Variants in PHLDB1 observed in about 807,000 individuals in gnomAD.
PHLDB1 encodes the protein pleckstrin homology like domain family B member 1.
A neutral mutation model predicts 139.3 loss-of-function variants in PHLDB1; 65 were observed. That is an observed-to-expected ratio of 0.47 (90% CI 0.38 to 0.57). The LOEUF is 0.57. Ranked by LOEUF, PHLDB1 falls within the 20% of genes least tolerant of loss-of-function variation. The pLI is 0.00. For synonymous variants in PHLDB1, 679 were observed against 734.5 expected (o/e 0.92, Z 1.22); for missense variants, 1,624 against 1,839.7 (o/e 0.88, Z 2.14).
intron 15 of PHLDB1, chr11:118,644,456 C>A: frequency 2.0e-6 from 1 of 488,778 alleles, no homozygotes; most frequent in Non-Finnish European, 3.7e-6. Context: ...TAGACATTGC[C>A]CTCTCTGGAG....
chr11:118,632,361 T>C lies in PHLDB1; in HGVS notation c.2379+65T>C. On this transcript the variant is annotated intron_variant, in intron 9 of 22. Transcript: ENST00000600882. This position sits in a 1 kb window ranked among gnomAD's most constrained non-coding sequence, Gnocchi z 5.9. ...GGCCTGGGAGAGAAGGAGAAATGTC[T>C]TCTCTGGGGCCCTGTACCCTTCACC... is the stretch of plus-strand genomic sequence containing the variant. 6.5e-7 allele frequency: 1 copy of C among 1,530,302 alleles called. No homozygotes were observed. Among genetic ancestry groups the C allele is most frequent in the Non-Finnish European group, 9.0e-7 (1 of 1,108,336 alleles). The allele number at this position is 1,530,302 out of a possible 1,614,324, so 94.8% of individuals were successfully genotyped here. A position where few individuals can be genotyped will look rare whatever the true frequency, so the allele number is the denominator to read the frequency against.
rs1292677079 is a variant in PHLDB1 at position 118,638,947 on chromosome 11, G to A, written c.2592G>A (p.Gln864=). ...QAGQIRAQAV[Q]ESERLARDKN... Reference sequence around the variant, plus strand: ...GGCAGATCCGGGCTCAGGCCGTGCAGGAATCAGAACGCCTGGCCCGGGACA... The same window carrying A: ...GGCAGATCCGGGCTCAGGCCGTGCAAGAATCAGAACGCCTGGCCCGGGACA... Residue 864 remains glutamine (Q), a synonymous_variant, in exon 11 of 23, where the codon CAG becomes CAA. Coordinates refer to ENST00000600882, the MANE Select transcript of PHLDB1 (RefSeq NM_001144758.3). 4 of 1,613,630 alleles carry A rather than the reference G, an allele frequency of 2.5e-6. No individual in the cohort carries two copies. Among genetic ancestry groups the A allele is most frequent in the Non-Finnish European group, 3.4e-6 (4 of 1,179,816 alleles).
chr11:118,627,569 A>G lies in PHLDB1; in HGVS notation c.746A>G (p.Glu249Gly), dbSNP rs1555103339. The G allele has an allele frequency of 1.5e-5, 24 of 1,614,020 alleles. No individual in the cohort carries two copies. Among genetic ancestry groups the G allele is most frequent in the Non-Finnish European group, 2.0e-5 (24 of 1,179,992 alleles). The change falls in exon 6 of 23, where the codon GAG (glutamate) becomes GGG (glycine). Residue 249 changes from glutamate (E) to glycine (G), a missense_variant. Coordinates refer to ENST00000600882, the MANE Select transcript of PHLDB1 (RefSeq NM_001144758.3). ...PGAMSVGSSY[E>G]NTSPAFSPLS... Reference sequence around the variant, plus strand: ...GCCATGTCTGTGGGCTCCAGCTATGAGAACACCTCTCCAGCCTTCTCTCCA... The same window carrying G: ...GCCATGTCTGTGGGCTCCAGCTATGGGAACACCTCTCCAGCCTTCTCTCCA...
At chr11:118,641,571 A>C in intron 12 of PHLDB1, 1 of 1,205,656 alleles carries the variant, frequency 8.3e-7, no homozygotes. Flanking sequence ...TTCTGGTTCC[A>C]TTAACCTCTT....
At chr11:118,656,542 G>T in intron 22 of PHLDB1, 141 bp from the exon 23 acceptor site, 1 of 695,870 alleles carries the variant, frequency 1.4e-6, no homozygotes, top group South Asian at 1.9e-5. Context: ...GACTGGTAGG[G>T]TCTAGGCTCT....
intron 15 of PHLDB1, 141 bp downstream of exon 15, chr11:118,644,315 G>A (rs1947090787): frequency 3.1e-6 from 2 of 647,186 alleles, no homozygotes; most frequent in South Asian, 3.8e-5. Flanking sequence ...TTTAGAGTGG[G>A]TACCTAAAGA....
At position 118,631,781 on chromosome 11, in the gene PHLDB1, G is replaced by A. The variant is rs571100557; in HGVS notation, c.2101-132G>A. ...CCCTCAAAGGTGGGGGTTGCGGGGG[G>A]GCAGGGAATTAGCCTCCTGTCTCAG... On this transcript the variant is annotated intron_variant, in intron 7 of 22. Coordinates refer to ENST00000600882, the MANE Select transcript of PHLDB1 (RefSeq NM_001144758.3). The A allele has an allele frequency of 1.9e-5, 21 of 1,085,828 alleles. No homozygotes were observed. In the South Asian group the frequency reaches 2.7e-4, roughly 14 times the overall value. 67.3% of individuals were successfully genotyped at this position (1,085,828 alleles called of 1,614,324 possible). A position where few individuals can be genotyped will look rare whatever the true frequency, so the allele number is the denominator to read the frequency against.
chr11:118,635,359 C>T (rs782805527), intron 9 of PHLDB1, 34 bp from the exon 10 acceptor site: 24 of 1,535,610 alleles, frequency 1.6e-5, no homozygotes, highest in Admixed American at 2.1e-5. Flanking sequence ...GCATTGCAAG[C>T]ACCACCCAAC....
At chr11:118,647,865 T>A (rs1420954218) in intron 17 of PHLDB1, 65 bp from the exon 18 acceptor site, 1 of 1,512,430 alleles carries the variant, frequency 6.6e-7, no homozygotes, top group East Asian at 2.5e-5. Flanking sequence ...CCTGCCCAGG[T>A]GTGAAGAGGG....
Position 118,625,047 on chromosome 11 carries a change from A to G in PHLDB1, c.469A>G (p.Ser157Gly), listed in dbSNP as rs1943617842. The change falls in exon 5 of 23, where the codon AGC becomes GGC. Residue 157 changes from serine to glycine, a missense_variant. Ser to Gly is a moderately conservative substitution (Grantham distance 56). Coordinates refer to ENST00000600882, the MANE Select transcript of PHLDB1 (RefSeq NM_001144758.3). ...AGGRAPGPPYSPVPAESESLV... is the reference protein window; with the variant it reads ...AGGRAPGPPYGPVPAESESLV... The stretch of plus-strand genomic sequence containing the variant: ...GGGCCGAGCCCCTGGGCCCCCCTAC[A>G]GCCCTGTTCCTGGTAGGTACCGACG... 1 of 1,608,840 alleles carries G rather than the reference A, an allele frequency of 6.2e-7. No individual in the cohort carries two copies. The highest frequency in any genetic ancestry group is 1.3e-5 in the African/African-American group (1 of 74,730).
At chr11:118,625,100 C>T (rs781908284) in intron 5 of PHLDB1, 41 bp downstream of exon 5, 1 of 1,547,140 alleles carries the variant, frequency 6.5e-7, no homozygotes, top group East Asian at 2.3e-5. Flanking sequence ...TGATGGTGTT[C>T]CTGCAGCAGT....
In PHLDB1 at chr11:118,616,229, C is replaced by A; in HGVS notation, c.355+18C>A. The A allele has an allele frequency of 6.2e-7, 1 of 1,610,402 alleles. No homozygotes were observed. Among genetic ancestry groups the A allele is most frequent in the South Asian group, 1.1e-5 (1 of 90,864 alleles). ...CACTCAGGGTAAGGCTGGACACCTC[C>A]AGATGGAGGGGGCCTCTGTTTAAAG... On this transcript the variant is annotated intron_variant, in intron 4 of 22. Transcript: ENST00000600882.
At position 118,644,053 on chromosome 11, in the gene PHLDB1, A is replaced by T; in HGVS notation, c.3019-19A>T. 1 of 1,612,258 alleles carries T rather than the reference A, an allele frequency of 6.2e-7. No individual in the cohort carries two copies. ...AAGGGCCTTCTGAGCCCAGGTCCGA[A>T]CTCTCCATTCCTCTGCAGAGCGCTC... is the stretch of plus-strand genomic sequence containing the variant. On this transcript the variant is annotated intron_variant, in intron 14 of 22. Coordinates refer to ENST00000600882, the MANE Select transcript of PHLDB1 (RefSeq NM_001144758.3).
At position 118,632,484 on chromosome 11, in the gene PHLDB1, C is replaced by G; in HGVS notation, c.2379+188C>G. ...AAGGAACCAGCTTGGAGGGCACTGC[C>G]AGGGGCTGGGCTGGTGTCTGGGGTC... On this transcript the variant is annotated intron_variant, in intron 9 of 22. Transcript: ENST00000600882. This position sits in a 1 kb window ranked among gnomAD's most constrained non-coding sequence, Gnocchi z 5.9. The G allele has an allele frequency of 1.5e-6, 1 of 662,042 alleles. No homozygotes were observed. The highest frequency in any genetic ancestry group is 2.6e-6 in the Non-Finnish European group (1 of 385,156). 41.0% of individuals were successfully genotyped at this position (662,042 alleles called of 1,614,324 possible). A position where few individuals can be genotyped will look rare whatever the true frequency, so the allele number is the denominator to read the frequency against.
At chr11:118,635,721 G>A (rs78576890) in intron 10 of PHLDB1, among the ~76,000 whole-genome samples, 173 bp downstream of exon 10, 1,565 of 152,356 alleles carry the variant, frequency 0.01, 24 homozygotes, top group African/African-American at 0.036. Context: ...AGACAGAATA[G>A]GATGTGATTG....
At position 118,639,008 on chromosome 11, in the gene PHLDB1, T is replaced by A. The variant is rs1946089053; in HGVS notation, c.2646+7T>A. ...CTTACAGCTGCTGCAAAAGGTAGGG[T>A]CCCTGAGGTTGGGCCGGGAGATTTG... On this transcript the variant is annotated splice_region_variant and intron_variant, in intron 11 of 22. Transcript: ENST00000600882. The A allele has an allele frequency of 6.2e-7, 1 of 1,609,536 alleles. No individual in the cohort carries two copies. The highest frequency in any genetic ancestry group is 1.3e-5 in the African/African-American group (1 of 74,712).
chr11:118,639,119 C>T, intron 11 of PHLDB1, 43 bp from the exon 12 acceptor site: 5 of 1,594,322 alleles, frequency 3.1e-6, no homozygotes, highest in Non-Finnish European at 4.3e-6. Flanking sequence ...ACACAGTCTC[C>T]TGGCTCCCAC....
chr11:118,627,715 C>A lies in PHLDB1; in HGVS notation c.892C>A (p.Pro298Thr), dbSNP rs1555103744. The change falls in exon 6 of 23, where the codon CCC (proline) becomes ACC (threonine). Residue 298 changes from proline to threonine, a missense_variant. By Grantham distance (38) the Pro-to-Thr change is conservative (BLOSUM62 -1). Coordinates refer to ENST00000600882, the MANE Select transcript of PHLDB1 (RefSeq NM_001144758.3). ...RSSSYHLALQ[P>T]PQSRPSGARS... is the part of the protein sequence containing the mutation. ...CTCCAGCTACCATCTGGCCCTACAG[C>A]CCCCACAGTCCCGCCCAAGTGGTGC... 2 of 1,609,858 alleles carry A rather than the reference C, an allele frequency of 1.2e-6. No individual in the cohort carries two copies. The highest frequency in any genetic ancestry group is 1.7e-6 in the Non-Finnish European group (2 of 1,179,980).
At position 118,616,123 on chromosome 11, in the gene PHLDB1, C is replaced by A. The variant is rs1941586491; in HGVS notation, c.267C>A (p.Asn89Lys). 3 of 1,613,984 alleles carry A rather than the reference C, an allele frequency of 1.9e-6. No individual in the cohort carries two copies. The highest frequency in any genetic ancestry group is 2.5e-6 in the Non-Finnish European group (3 of 1,179,948). ...CTCCAGAGCACTGCTACATCGAGAA[C>A]CTGCGGGGCACCCTCACCCTCTACC... ...GLAPEHCYIE[N>K]LRGTLTLYPC... Residue 89 changes from asparagine to lysine, a missense_variant, in exon 4 of 23, where the codon AAC (asparagine) becomes AAA (lysine). Asn to Lys is a moderately conservative substitution (Grantham distance 94). Transcript: ENST00000600882.
Sources: allele counts gnomAD v4.1 joint callset (sites outside exome capture counted in the v4.1 genomes callset), GRCh38; gene constraint gnomAD v4.1.1; non-coding constraint Gnocchi (gnomAD v3.1); transcripts MANE v1.5; gene names NCBI Gene and HGNC (gene_info 2026-07-23, HGNC 2026-07-21).